Variants in B3GALT1 observed in about 807,000 individuals in gnomAD.
The protein encoded by B3GALT1 is UDP-Gal:betaGlcNAc beta 1,3-galactosyltransferase, polypeptide 1.
B3GALT1 carries 10 observed loss-of-function variants against 23.2 expected under a neutral mutation model. The ratio of observed to expected loss-of-function variants is 0.43; its 90% confidence interval spans 0.27 to 0.73. B3GALT1 has a LOEUF of 0.73. B3GALT1 is among the 30% of genes least tolerant of loss of function. B3GALT1 has a pLI of 0.21. For synonymous variants in B3GALT1, 156 were observed against 141.5 expected, an observed-to-expected ratio of 1.10 and a Z score of -0.73; for missense variants, 299 against 405.4, an observed-to-expected ratio of 0.74 and a Z score of 2.25.
chr2:167,630,975 T>C (rs78506748), intron 2 of B3GALT1, among the ~76,000 whole-genome samples: 1,554 of 129,150 alleles, frequency 0.012, 28 homozygotes, highest in African/African-American at 0.042. Context: ...CTATCAACCA[T>C]CATTTATTTT....
At chr2:167,408,236 G>A (rs892604087) in intron 1 of B3GALT1, among the ~76,000 whole-genome samples, 2 of 152,072 alleles carry the variant, frequency 1.3e-5, no homozygotes, top group East Asian at 3.9e-4. Flanking sequence ...ATCAATAAAT[G>A]CAATATATCA....
chr2:167,438,076 A>G (rs73972274), intron 1 of B3GALT1, among the ~76,000 whole-genome samples: 8,777 of 152,294 alleles, frequency 0.058, 586 homozygotes, highest in African/African-American at 0.17. Flanking sequence ...CACATCCTAC[A>G]AAGGATGTTT....
chr2:167,739,555 G>C (rs1687544670), intron 3 of B3GALT1, among the ~76,000 whole-genome samples: 1 of 152,122 alleles, frequency 6.6e-6, no homozygotes, highest in Non-Finnish European at 1.5e-5. Context: ...ATATTTTTGG[G>C]TATTTAGCAT....
chr2:167,683,487 T>G (rs1686569542), intron 3 of B3GALT1, among the ~76,000 whole-genome samples: 1 of 152,108 alleles, frequency 6.6e-6, no homozygotes. Context: ...TTGGGAGGCC[T>G]AGGTGGGCAG....
intron 2 of B3GALT1, among the ~76,000 whole-genome samples, chr2:167,521,984 G>GTA (rs550521896): frequency 0.011 from 1,384 of 122,580 alleles, 10 homozygotes; most frequent in African/African-American, 0.017. Flanking sequence ...GTGTGTGTGT[G>GTA]TATATATATA....
At chr2:167,583,915 A>G (rs182174273) in intron 2 of B3GALT1, among the ~76,000 whole-genome samples, 3 of 152,004 alleles carry the variant, frequency 2.0e-5, no homozygotes, top group Admixed American at 2.0e-4. Context: ...CAAACTAACC[A>G]TGCCTCTAAA....
chr2:167,612,186 T>C (rs931828827), intron 2 of B3GALT1, among the ~76,000 whole-genome samples: 2 of 151,910 alleles, frequency 1.3e-5, no homozygotes, highest in African/African-American at 4.8e-5. Flanking sequence ...AAATTACCAG[T>C]TTCTTTGAAT....
At chr2:167,485,694 T>G (rs1699617033) in intron 1 of B3GALT1, among the ~76,000 whole-genome samples, 1 of 152,206 alleles carries the variant, frequency 6.6e-6, no homozygotes, top group Admixed American at 6.5e-5. Context: ...AATATATGCT[T>G]TTGAATTAAT....
In B3GALT1 at chr2:167,746,693, A is replaced by C. The variant is rs931025874; in HGVS notation, c.-351-71979A>C. Among the ~76,000 whole-genome samples, 4 of 152,212 alleles carry C rather than the reference A, an allele frequency of 2.6e-5. No individual in the cohort carries two copies. In the South Asian group the frequency reaches 8.3e-4, roughly 32 times the overall value. The stretch of plus-strand genomic sequence containing the variant: ...AGCTCTGAGGCACTTGTTTGTAAAA[A>C]TTAGTATTCCATGTTATACACTAAT... On this transcript the variant is annotated intron_variant, in intron 3 of 4. Coordinates refer to ENST00000392690, the MANE Select transcript of B3GALT1 (RefSeq NM_020981.4).
intron 1 of B3GALT1, among the ~76,000 whole-genome samples, chr2:167,296,112 A>C (rs1054359222): frequency 1.3e-5 from 2 of 152,200 alleles, no homozygotes; most frequent in Non-Finnish European, 2.9e-5. Context: ...CATATATTCT[A>C]GATGAATTTT....
intron 2 of B3GALT1, among the ~76,000 whole-genome samples, chr2:167,567,461 A>G (rs1684193220): frequency 6.6e-6 from 1 of 152,198 alleles, no homozygotes; most frequent in African/African-American, 2.4e-5. Flanking sequence ...TATTTTAAAT[A>G]AAGTGAAATG....
chr2:167,566,270 A>T (rs1320920843), intron 2 of B3GALT1, among the ~76,000 whole-genome samples: 1 of 151,396 alleles, frequency 6.6e-6, no homozygotes, highest in African/African-American at 2.4e-5. Flanking sequence ...CAAACACCGC[A>T]TGTTCTCACT....
intron 4 of B3GALT1, among the ~76,000 whole-genome samples, chr2:167,867,657 G>A (rs1262538630): frequency 2.0e-5 from 3 of 152,150 alleles, no homozygotes; most frequent in African/African-American, 7.2e-5. Flanking sequence ...TTTCTACACA[G>A]TCTGTACATG....
At chr2:167,717,530 T>C (rs1687170995) in intron 3 of B3GALT1, among the ~76,000 whole-genome samples, 1 of 152,182 alleles carries the variant, frequency 6.6e-6, no homozygotes, top group Non-Finnish European at 1.5e-5. Context: ...TACTTTCCTT[T>C]GTCGCCACAC....
chr2:167,522,113 A>C (rs1700199358), intron 2 of B3GALT1, among the ~76,000 whole-genome samples: 1 of 151,180 alleles, frequency 6.6e-6, no homozygotes, highest in Non-Finnish European at 1.5e-5. Flanking sequence ...AGACCACAAA[A>C]ATTATAGATT....
chr2:167,360,525 T>C (rs942272181), intron 1 of B3GALT1, among the ~76,000 whole-genome samples: 1 of 152,130 alleles, frequency 6.6e-6, no homozygotes, highest in African/African-American at 2.4e-5. Context: ...AGAAATGCAA[T>C]TTCCTGGGCC....
chr2:167,537,397 A>C (rs1029676777), intron 2 of B3GALT1, among the ~76,000 whole-genome samples: 1 of 152,168 alleles, frequency 6.6e-6, no homozygotes, highest in Non-Finnish European at 1.5e-5. Flanking sequence ...AAAGGAAAAA[A>C]AATTACAGTA....
chr2:167,740,991 A>G (rs902599155), intron 3 of B3GALT1, among the ~76,000 whole-genome samples: 4 of 152,190 alleles, frequency 2.6e-5, no homozygotes, highest in Non-Finnish European at 5.9e-5. Flanking sequence ...AGGGGTAAGC[A>G]CAGGACTCAA....
chr2:167,610,906 T>A (rs1279501838), intron 2 of B3GALT1, among the ~76,000 whole-genome samples: 1 of 50,180 alleles, frequency 2.0e-5, no homozygotes, highest in Non-Finnish European at 3.6e-5. Flanking sequence ...CTGGTTTATT[T>A]GTACAAAAAA....
Sources: gnomAD v4.1 joint callset for allele counts (sites outside exome capture counted in the v4.1 genomes callset) on GRCh38, gnomAD v4.1.1 for gene constraint, MANE v1.5 for transcripts, NCBI Gene and HGNC (gene_info 2026-07-23, HGNC 2026-07-21) for gene names.